AGBL1: variants seen among roughly 807,000 people sequenced by gnomAD.
The protein encoded by AGBL1 is cytosolic carboxypeptidase 4.
AGBL1 carries 130 observed loss-of-function variants against 118.9 expected under a neutral mutation model. That is an observed-to-expected ratio of 1.09 (90% CI 0.95 to 1.26). The LOEUF is 1.26. Among genes scored for constraint, AGBL1 ranks in the 50% most tolerant of loss-of-function variants. AGBL1 has a pLI of 0.00. For synonymous variants in AGBL1, 555 were observed against 478.9 expected, an observed-to-expected ratio of 1.16 and a Z score of -2.08; for missense variants, 1,584 against 1,298.1, an observed-to-expected ratio of 1.22 and a Z score of -3.38.
At chr15:86,998,952 T>G (rs2081406574) in intron 24 of AGBL1, among the ~76,000 whole-genome samples, 1 of 150,968 alleles carries the variant, frequency 6.6e-6, no homozygotes, top group Non-Finnish European at 1.5e-5. Flanking sequence ...CATGTTGGTG[T>G]GCTGCACTCA....
intron 22 of AGBL1, among the ~76,000 whole-genome samples, chr15:86,752,522 C>G (rs894592240): frequency 5.3e-5 from 8 of 152,192 alleles, no homozygotes; most frequent in Non-Finnish European, 1.2e-4. Context: ...TCTTCCATGT[C>G]TGTCATCACC....
intron 22 of AGBL1, among the ~76,000 whole-genome samples, chr15:86,890,601 G>T (rs1173470476): frequency 1.3e-5 from 2 of 152,078 alleles, no homozygotes; most frequent in African/African-American, 4.8e-5. Flanking sequence ...TCAATTTTCT[G>T]CACATGGCTA....
intron 18 of AGBL1, among the ~76,000 whole-genome samples, chr15:86,437,379 A>C (rs2142048355): frequency 6.6e-6 from 1 of 152,286 alleles, no homozygotes; most frequent in South Asian, 2.1e-4. Context: ...AAGATTGAGG[A>C]GGCACTGCTC....
At chr15:86,356,353 T>C (rs1244376095) in intron 17 of AGBL1, among the ~76,000 whole-genome samples, 3 of 151,192 alleles carry the variant, frequency 2.0e-5, no homozygotes, top group Non-Finnish European at 4.4e-5. Flanking sequence ...TGTGTGTGTG[T>C]GTGCGCGTGC....
downstream of AGBL1, among the ~76,000 whole-genome samples, chr15:86,920,631 T>C (rs953906005): frequency 6.6e-6 from 1 of 152,226 alleles, no homozygotes; most frequent in Non-Finnish European, 1.5e-5. Context: ...AGGAACAGTT[T>C]AAGCATTTTA....
At chr15:87,009,315 C>G (rs985793585) in intron 24 of AGBL1, among the ~76,000 whole-genome samples, 44 of 152,068 alleles carry the variant, frequency 2.9e-4, no homozygotes, top group African/African-American at 1.1e-3. Context: ...GGGTGAAAGC[C>G]CCAAGCCTTG....
At chr15:86,683,911 G>T (rs985728835) in intron 22 of AGBL1, among the ~76,000 whole-genome samples, 1 of 152,100 alleles carries the variant, frequency 6.6e-6, no homozygotes, top group Non-Finnish European at 1.5e-5. Flanking sequence ...CATCATTACC[G>T]CTTTCTCTTC....
At chr15:86,682,922 G>A (rs1379758461) in intron 22 of AGBL1, among the ~76,000 whole-genome samples, 2 of 152,172 alleles carry the variant, frequency 1.3e-5, no homozygotes, top group Non-Finnish European at 2.9e-5. Flanking sequence ...TACCAACAAG[G>A]AAATTAAGTT....
At chr15:86,113,605 C>G (rs760162262) in intron 1 of AGBL1, among the ~76,000 whole-genome samples, 1 of 152,054 alleles carries the variant, frequency 6.6e-6, no homozygotes, top group Non-Finnish European at 1.5e-5. Context: ...CCTCTTTCAC[C>G]TGCCTTTCAG....
chr15:86,771,115 C>T (rs1383809525), intron 22 of AGBL1, among the ~76,000 whole-genome samples: 1 of 151,980 alleles, frequency 6.6e-6, no homozygotes, highest in Non-Finnish European at 1.5e-5. Context: ...GGAAGTTGGT[C>T]CCTGAATCAC....
At chr15:86,288,327 G>A (rs185943663) in intron 16 of AGBL1, among the ~76,000 whole-genome samples, 1 of 152,200 alleles carries the variant, frequency 6.6e-6, no homozygotes, top group East Asian at 1.9e-4. Flanking sequence ...ACTTAGAAAC[G>A]TGACTGATAT....
At chr15:86,782,342 T>C (rs1282388037) in intron 22 of AGBL1, among the ~76,000 whole-genome samples, 2 of 152,136 alleles carry the variant, frequency 1.3e-5, no homozygotes, top group African/African-American at 2.4e-5. Flanking sequence ...CTGGTAGATA[T>C]TATCTCCCAT....
At chr15:86,916,427 T>TTG (rs939693029), downstream of AGBL1, among the ~76,000 whole-genome samples, 20 of 150,760 alleles carry the variant, frequency 1.3e-4, no homozygotes, top group East Asian at 7.8e-4. Context: ...GTGTGTGTGT[T>TTG]TGTGTGTGTG....
chr15:86,665,661 A>G (rs2085631506), intron 21 of AGBL1, among the ~76,000 whole-genome samples: 1 of 152,154 alleles, frequency 6.6e-6, no homozygotes, highest in Non-Finnish European at 1.5e-5. Context: ...TTGAAAATAT[A>G]CATTGAAAAA....
rs370686805 is a variant in AGBL1, at chr15:86,588,767, G to T, written c.2994+34230G>T. On this transcript the variant is annotated intron_variant, in intron 21 of 22. Transcript: ENST00000614907. Reference sequence around the variant, plus strand: ...GAAGAATTAAACCTGACCCTATGAGGAGGCAGCAAGAACTGAACAGAAACC... The same window carrying T: ...GAAGAATTAAACCTGACCCTATGAGTAGGCAGCAAGAACTGAACAGAAACC... Among the ~76,000 whole-genome samples the T allele has an allele frequency of 3.0e-4, 45 of 152,282 alleles. 1 individual carries two copies. The South Asian group carries it at 7.7e-3, about 26-fold the overall frequency.
chr15:86,985,230 A>G (rs2081270383), intron 23 of AGBL1, among the ~76,000 whole-genome samples: 1 of 152,094 alleles, frequency 6.6e-6, no homozygotes, highest in Non-Finnish European at 1.5e-5. Flanking sequence ...GTAGGCATCT[A>G]TTTTCATTGC....
intron 18 of AGBL1, among the ~76,000 whole-genome samples, chr15:86,522,568 A>G (rs1407318380): frequency 6.6e-6 from 1 of 152,244 alleles, no homozygotes; most frequent in Non-Finnish European, 1.5e-5. Context: ...TAAAACTCTG[A>G]TAATCTGATA....
At chr15:86,093,927 A>G (rs576127881) in intron 1 of AGBL1, among the ~76,000 whole-genome samples, 2 of 152,188 alleles carry the variant, frequency 1.3e-5, no homozygotes, top group African/African-American at 2.4e-5. Context: ...ACTGAAGTCT[A>G]TATTCCCTGA....
At chr15:86,369,750 T>G (rs2080944349) in intron 17 of AGBL1, among the ~76,000 whole-genome samples, 1 of 151,932 alleles carries the variant, frequency 6.6e-6, no homozygotes, top group Admixed American at 6.6e-5. Flanking sequence ...TAATATTAAA[T>G]GAGAAAAAAA....
Sources: allele counts gnomAD v4.1 joint callset (sites outside exome capture counted in the v4.1 genomes callset), GRCh38; gene constraint gnomAD v4.1.1; transcripts MANE v1.5; gene names NCBI Gene and HGNC (gene_info 2026-07-23, HGNC 2026-07-21).